Variants in WWOX observed in about 807,000 individuals in gnomAD.
The protein encoded by WWOX is WW domain containing oxidoreductase, also known as WW domain-containing oxidoreductase.
WWOX carries 69 observed loss-of-function variants against 46.2 expected under a neutral mutation model. That is an observed-to-expected ratio of 1.49 (90% CI 1.23 to 1.82). The LOEUF is 1.82. WWOX is among the 40% of genes most tolerant of loss of function. The probability of loss-of-function intolerance (pLI) is 0.00; values close to 1 mark genes in which losing one functional copy is unlikely to be tolerated. For missense variants in WWOX, 919 were observed against 542.6 expected (o/e 1.69, Z -6.89); for synonymous variants, 359 against 202.6 (o/e 1.77, Z -6.56).
chr16:78,642,077 A>C (rs567313530), intron 8 of WWOX, among the ~76,000 whole-genome samples: 10 of 152,210 alleles, frequency 6.6e-5, no homozygotes, highest in Non-Finnish European at 1.3e-4. Context: ...TGAGTGTGAC[A>C]TGCCTGTGTA....
intron 8 of WWOX, among the ~76,000 whole-genome samples, chr16:78,847,278 A>G (rs916349881): frequency 1.3e-5 from 2 of 152,228 alleles, no homozygotes; most frequent in Admixed American, 6.5e-5. Flanking sequence ...TGTGTATTAT[A>G]CAAACCCATG....
At chr16:78,874,588 G>A (rs2044196337) in intron 8 of WWOX, among the ~76,000 whole-genome samples, 1 of 151,316 alleles carries the variant, frequency 6.6e-6, no homozygotes, top group African/African-American at 2.4e-5. Context: ...CTCCACTACA[G>A]ATTCTGATGG....
intron 8 of WWOX, among the ~76,000 whole-genome samples, chr16:78,734,285 A>T (rs146045024): frequency 1.3e-3 from 197 of 152,172 alleles, no homozygotes; most frequent in African/African-American, 4.3e-3. Context: ...AAAAGGGAGT[A>T]TTTTTCCCCC....
At chr16:78,283,740 C>CA (rs2079722282) in intron 5 of WWOX, among the ~76,000 whole-genome samples, 1 of 151,806 alleles carries the variant, frequency 6.6e-6, no homozygotes, top group Non-Finnish European at 1.5e-5. Flanking sequence ...TTCCCTCCCC[C>CA]AAACAATGGT....
chr16:78,279,787 AAAT>A (rs1230206823), intron 5 of WWOX, among the ~76,000 whole-genome samples: 4 of 152,230 alleles, frequency 2.6e-5, no homozygotes, highest in Non-Finnish European at 5.9e-5. Context: ...TCGCAAAGGG[AAAT>A]AACTCTTCTG....
intron 8 of WWOX, among the ~76,000 whole-genome samples, chr16:78,970,975 C>T (rs1474145480): frequency 6.6e-6 from 1 of 152,122 alleles, no homozygotes; most frequent in Non-Finnish European, 1.5e-5. Context: ...GTGGGAGAAA[C>T]AGCTGCCAGA....
At chr16:78,674,948 C>T (rs181204705) in intron 8 of WWOX, among the ~76,000 whole-genome samples, 4 of 151,996 alleles carry the variant, frequency 2.6e-5, no homozygotes, top group Admixed American at 1.3e-4. Flanking sequence ...AAGTTGTCTA[C>T]CCTTATTATC....
chr16:79,135,111 T>G (rs917509810), intron 8 of WWOX, among the ~76,000 whole-genome samples: 49 of 152,084 alleles, frequency 3.2e-4, no homozygotes, highest in African/African-American at 1.2e-3. Flanking sequence ...TTTCTAACAA[T>G]TTTTTTCTTC....
intron 5 of WWOX, among the ~76,000 whole-genome samples, chr16:78,212,607 C>G (rs931015051): frequency 3.3e-5 from 5 of 152,182 alleles, no homozygotes; most frequent in African/African-American, 1.2e-4. Context: ...GAAACATTTT[C>G]TTGTTCTACA....
At chr16:78,179,522 A>G (rs977224249) in intron 5 of WWOX, among the ~76,000 whole-genome samples, 1 of 152,184 alleles carries the variant, frequency 6.6e-6, no homozygotes, top group African/African-American at 2.4e-5. Flanking sequence ...ATGGCCCCCA[A>G]CGCTTCATGC....
intron 8 of WWOX, among the ~76,000 whole-genome samples, chr16:78,957,618 C>T (rs1372323111): frequency 5.9e-5 from 9 of 152,258 alleles, no homozygotes; most frequent in South Asian, 2.1e-4. Context: ...TATGTCTCTT[C>T]GGATAGATTC....
At chr16:78,918,733 T>C (rs186208716) in intron 8 of WWOX, among the ~76,000 whole-genome samples, 143 of 152,346 alleles carry the variant, frequency 9.4e-4, no homozygotes, top group African/African-American at 3.2e-3. Context: ...TTTCTCTCAC[T>C]ATACCCATTT....
intron 8 of WWOX, among the ~76,000 whole-genome samples, chr16:78,705,985 C>G (rs1020249472): frequency 1.3e-5 from 2 of 150,072 alleles, no homozygotes; most frequent in Admixed American, 6.6e-5. Context: ...AGCAGTGACT[C>G]AGATAGGTGT....
chr16:78,676,791 T>A (rs1269475753), intron 8 of WWOX, among the ~76,000 whole-genome samples: 3 of 152,228 alleles, frequency 2.0e-5, no homozygotes, highest in African/African-American at 4.8e-5. Flanking sequence ...CTTTGCTCAT[T>A]CTTTGAATAC....
intron 8 of WWOX, among the ~76,000 whole-genome samples, chr16:79,032,458 A>G (rs1341976739): frequency 6.8e-6 from 1 of 147,628 alleles, no homozygotes; most frequent in African/African-American, 2.5e-5. Flanking sequence ...GGGTTTCTAT[A>G]TATTATAATA....
At chr16:78,313,368 T>C (rs1477552126) in intron 5 of WWOX, among the ~76,000 whole-genome samples, 1 of 152,202 alleles carries the variant, frequency 6.6e-6, no homozygotes, top group Non-Finnish European at 1.5e-5. Flanking sequence ...TCGTTGTTTT[T>C]CTTTTTTCTT....
intron 8 of WWOX, among the ~76,000 whole-genome samples, chr16:78,717,830 A>G (rs960909108): frequency 1.3e-5 from 2 of 152,090 alleles, no homozygotes; most frequent in Admixed American, 6.6e-5. Flanking sequence ...CCTGCTATTT[A>G]TATTTCCCTC....
At chr16:79,138,756 G>C (rs985591010) in intron 8 of WWOX, among the ~76,000 whole-genome samples, 1 of 152,192 alleles carries the variant, frequency 6.6e-6, no homozygotes, top group African/African-American at 2.4e-5. Flanking sequence ...AGTCTCCAGA[G>C]GGTGAGACTG....
rs2079371224 is a variant in WWOX at position 78,266,788 on chromosome 16, T to TTCTCTCTCTCTCTGTCTCTCTCTCTC, written c.516+102512_516+102513insGTCTCTCTCTCTCTCTCTCTCTCTCT. Among the ~76,000 whole-genome samples, 6 of 115,626 alleles carry TTCTCTCTCTCTCTGTCTCTCTCTCTC rather than the reference T, an allele frequency of 5.2e-5. No individual in the cohort carries two copies. In the East Asian group the frequency reaches 1.8e-3, roughly 35 times the overall value. The allele number at this position is 115,626 out of a possible 152,430, so 75.9% of individuals were successfully genotyped here. A position where few individuals can be genotyped will look rare whatever the true frequency, so the allele number is the denominator to read the frequency against. On this transcript the variant is annotated intron_variant, in intron 5 of 8. Transcript: ENST00000566780. ...GATAAATGCAAGTTCTATTCTTCTA[T>TTCTCTCTCTCTCTGTCTCTCTCTCTC]TCTCTCTCTCTCTCTCTCTCTCTCT...
Sources: allele counts gnomAD v4.1 joint callset (sites outside exome capture counted in the v4.1 genomes callset), GRCh38; gene constraint gnomAD v4.1.1; transcripts MANE v1.5; gene names NCBI Gene and HGNC (gene_info 2026-07-23, HGNC 2026-07-21).